The following ITGB5 variants were observed in gnomAD, a reference collection of about 807,000 sequenced individuals.
ITGB5 encodes integrin subunit beta 5.
Under a neutral mutation model 84.8 loss-of-function variants are expected in ITGB5, and 38 were observed. That is an observed-to-expected ratio of 0.45 (90% CI 0.35 to 0.59). The LOEUF (loss-of-function observed/expected upper bound fraction) is 0.59. Ranked by LOEUF, ITGB5 falls within the 20% of genes least tolerant of loss-of-function variation. The pLI is 0.01. For synonymous variants in ITGB5, 393 were observed against 414.4 expected (o/e 0.95, Z 0.63); for missense variants, 905 against 1,034.5 (o/e 0.87, Z 1.72).
At chr3:124,798,085 G>A (rs1045667140) in intron 9 of ITGB5, among the ~76,000 whole-genome samples, 1 of 68,928 alleles carries the variant, frequency 1.5e-5, no homozygotes, top group Non-Finnish European at 2.8e-5. Context: ...GTGGAGTCTC[G>A]CTCTGTTGCC....
chr3:124,766,203 G>A (rs763291467), intron 13 of ITGB5, 23 bp downstream of exon 13: 8 of 1,609,208 alleles, frequency 5.0e-6, no homozygotes, highest in South Asian at 3.3e-5. Flanking sequence ...TGAGTGGGCC[G>A]AGCCCTTGCA....
intron 8 of ITGB5, among the ~76,000 whole-genome samples, chr3:124,816,094 A>T (rs2064586350): frequency 6.6e-6 from 1 of 152,174 alleles, no homozygotes; most frequent in Non-Finnish European, 1.5e-5. Context: ...CTTGGCTACA[A>T]CAGGAGATGG....
At chr3:124,796,872 T>G in intron 9 of ITGB5, 55 bp from the exon 10 acceptor site, 1 of 1,527,728 alleles carries the variant, frequency 6.5e-7, no homozygotes, top group South Asian at 1.3e-5. Context: ...GGGTCTCCCA[T>G]TCACCCAGGG....
chr3:124,803,330 T>C (rs953956493), intron 9 of ITGB5, among the ~76,000 whole-genome samples: 1 of 152,162 alleles, frequency 6.6e-6, no homozygotes, highest in African/African-American at 2.4e-5. Flanking sequence ...TGGCTCCCGA[T>C]GCTTGAGGCT....
intron 3 of ITGB5, among the ~76,000 whole-genome samples, chr3:124,852,183 T>C (rs775611294): frequency 1.4e-4 from 22 of 152,256 alleles, no homozygotes; most frequent in Non-Finnish European, 3.1e-4. Context: ...TTGCCTGTCT[T>C]GGTCTGTGCC....
rs147881269 is a variant in ITGB5, at chr3:124,824,663, A to G, written c.781-3189T>C. ...GATAAAGGATTTGTTTACAGAATAT[A>G]TAAAGAACTGTCATTAGTCACTAAG... On this transcript the variant is annotated intron_variant, in intron 5 of 14. Transcript: ENST00000296181. Among the ~76,000 whole-genome samples, 58 of 152,364 alleles carry G rather than the reference A, an allele frequency of 3.8e-4. No individual in the cohort carries two copies. The East Asian group carries it at 0.011, about 28-fold the overall frequency.
intron 5 of ITGB5, among the ~76,000 whole-genome samples, chr3:124,823,789 G>C (rs537502576): frequency 3.0e-4 from 45 of 152,162 alleles, no homozygotes; most frequent in Non-Finnish European, 6.0e-4. Flanking sequence ...AAATACAATA[G>C]AGAGAAAGTA....
intron 7 of ITGB5, 21 bp downstream of exon 7, chr3:124,819,718 C>T (rs1175356362): frequency 6.5e-7 from 1 of 1,546,324 alleles, no homozygotes; most frequent in South Asian, 1.1e-5. Flanking sequence ...AAATCACTAG[C>T]CTCCCTCCCT....
chr3:124,843,778 C>T (rs777613755), intron 4 of ITGB5, among the ~76,000 whole-genome samples: 2 of 152,284 alleles, frequency 1.3e-5, no homozygotes, highest in South Asian at 4.1e-4. Context: ...TATCCTACCC[C>T]TCTCATGTGT....
At chr3:124,801,148 G>C (rs1350595478) in intron 9 of ITGB5, among the ~76,000 whole-genome samples, 3 of 152,182 alleles carry the variant, frequency 2.0e-5, no homozygotes, top group African/African-American at 4.8e-5. Flanking sequence ...GGAGCGGGGA[G>C]GGGGTGCTGT....
chr3:124,836,313 C>G (rs1249956262), intron 5 of ITGB5, among the ~76,000 whole-genome samples: 1 of 151,856 alleles, frequency 6.6e-6, no homozygotes, highest in Non-Finnish European at 1.5e-5. Context: ...CCCAGAAGTT[C>G]AAGACCAGCC....
chr3:124,897,557 C>T (rs889347407), intron 1 of ITGB5, among the ~76,000 whole-genome samples: 23 of 152,198 alleles, frequency 1.5e-4, no homozygotes, highest in Admixed American at 1.5e-3. Flanking sequence ...CGTAGTGGCT[C>T]ATGCCTGTAA....
intron 5 of ITGB5, among the ~76,000 whole-genome samples, chr3:124,829,645 C>T (rs1375485238): frequency 6.6e-6 from 1 of 152,192 alleles, no homozygotes; most frequent in Non-Finnish European, 1.5e-5. Context: ...ACTGGCATGT[C>T]CTCCCAGCCT....
chr3:124,804,161 A>G (rs141874649), intron 9 of ITGB5, among the ~76,000 whole-genome samples: 1 of 152,332 alleles, frequency 6.6e-6, no homozygotes, highest in Non-Finnish European at 1.5e-5. Context: ...GCTGACAAAC[A>G]TTAGTTCCTT....
At chr3:124,770,008 T>C (rs1329237188) in intron 11 of ITGB5, 1 of 152,234 alleles carries the variant, frequency 6.6e-6, no homozygotes, top group East Asian at 1.9e-4. Context: ...TATTATACTT[T>C]ATATCATCAA....
intron 2 of ITGB5, among the ~76,000 whole-genome samples, chr3:124,868,602 G>C (rs935936241): frequency 1.6e-5 from 2 of 124,128 alleles, no homozygotes; most frequent in Non-Finnish European, 3.2e-5. Context: ...GCAACATAGT[G>C]AGACCTGTTC....
rs533345276 is a variant in ITGB5, at chr3:124,771,055, A to C, written c.1917-1942T>G. Among the ~76,000 whole-genome samples, 24 of 152,234 alleles carry C rather than the reference A, an allele frequency of 1.6e-4. No individual in the cohort carries two copies. The East Asian group carries it at 4.2e-3, about 27-fold the overall frequency. On this transcript the variant is annotated intron_variant, in intron 11 of 14. Coordinates refer to ENST00000296181, the MANE Select transcript of ITGB5 (RefSeq NM_002213.5). Reference sequence around the variant, plus strand: ...AAACACTCCCTAAGTATCCATGTGGACATATCAGTCTAACTCATATGCCCC... The same window carrying C: ...AAACACTCCCTAAGTATCCATGTGGCCATATCAGTCTAACTCATATGCCCC...
intron 1 of ITGB5, among the ~76,000 whole-genome samples, chr3:124,886,663 C>G (rs1251529658): frequency 1.3e-5 from 2 of 151,972 alleles, no homozygotes; most frequent in African/African-American, 2.4e-5. Context: ...CCCTGGCGGG[C>G]TAGGTCAGCA....
intron 4 of ITGB5, among the ~76,000 whole-genome samples, chr3:124,843,711 A>G (rs2065040126): frequency 6.6e-6 from 1 of 152,176 alleles, no homozygotes; most frequent in Admixed American, 6.5e-5. Flanking sequence ...ACTTAACCCC[A>G]GAGCAGCTGT....
Sources: allele counts gnomAD v4.1 joint callset (sites outside exome capture counted in the v4.1 genomes callset), GRCh38; gene constraint gnomAD v4.1.1; transcripts MANE v1.5; gene names NCBI Gene and HGNC (gene_info 2026-07-23, HGNC 2026-07-21).